The following TM4SF18 variants were observed in gnomAD, a reference collection of about 807,000 sequenced individuals.
TM4SF18 encodes transmembrane 4 L six family member 18, also known as transmembrane 4 L6 family member 18.
TM4SF18 carries 22 observed loss-of-function variants against 23.8 expected under a neutral mutation model. The observed-to-expected ratio is 0.92, with a 90% confidence interval of 0.66 to 1.32. The LOEUF (loss-of-function observed/expected upper bound fraction) is 1.32. Ranked by LOEUF, TM4SF18 falls within the 40% of genes most tolerant of loss-of-function variation. The probability of loss-of-function intolerance (pLI) is 0.00; values close to 1 mark genes in which losing one functional copy is unlikely to be tolerated. For synonymous variants in TM4SF18, 87 were observed against 87.9 expected, an observed-to-expected ratio of 0.99 and a Z score of 0.06; for missense variants, 255 against 240.3, an observed-to-expected ratio of 1.06 and a Z score of -0.41.
intron 3 of TM4SF18, among the ~76,000 whole-genome samples, chr3:149,328,665 A>C (rs952449464): frequency 6.6e-6 from 1 of 152,194 alleles, no homozygotes; most frequent in African/African-American, 2.4e-5. Flanking sequence ...GCCCTACTTG[A>C]TCATGGCAAC....
At chr3:149,331,030 T>C (rs913759530) in intron 2 of TM4SF18, among the ~76,000 whole-genome samples, 2 of 152,232 alleles carry the variant, frequency 1.3e-5, no homozygotes, top group Non-Finnish European at 2.9e-5. Context: ...AATTTTATTT[T>C]AGGCAAAAGG....
At chr3:149,329,353 C>T (rs749799806) in intron 3 of TM4SF18, among the ~76,000 whole-genome samples, 1 of 152,098 alleles carries the variant, frequency 6.6e-6, no homozygotes, top group Non-Finnish European at 1.5e-5. Flanking sequence ...CATATCCATG[C>T]CCAGGTTGTA....
In TM4SF18 at chr3:149,322,297, G is replaced by A; in HGVS notation, c.550C>T (p.Leu184=). 10 of 1,614,058 alleles carry A rather than the reference G, an allele frequency of 6.2e-6. No individual in the cohort carries two copies. The highest frequency in any genetic ancestry group is 8.5e-6 in the Non-Finnish European group (10 of 1,179,984). The change falls in exon 5 of 6, where the codon CTA becomes TTA. Residue 184 remains leucine (L), a synonymous_variant. Transcript: ENST00000296059. ...TAGCTTCCACACAGTATCTTGGATA[G>A]TTGCATGACTACTCTGATGAGGCAG... is the stretch of plus-strand genomic sequence containing the variant. ...IICLIRVVMQ[L]SKILCGSYSV...
chr3:149,325,155 G>T, intron 3 of TM4SF18, 133 bp from the exon 4 acceptor site: 1 of 710,818 alleles, frequency 1.4e-6, no homozygotes, highest in Non-Finnish European at 2.1e-6. Flanking sequence ...TGCCCACATA[G>T]AAATAAAAAA....
intron 2 of TM4SF18, among the ~76,000 whole-genome samples, chr3:149,332,754 A>G (rs917414418): frequency 1.3e-5 from 2 of 152,210 alleles, no homozygotes; most frequent in African/African-American, 4.8e-5. Flanking sequence ...CATGGAACAA[A>G]TGACAGAGCT....
At position 149,322,374 on chromosome 3, in the gene TM4SF18, T is replaced by G. The variant is rs759923156; in HGVS notation, c.473A>C (p.Asn158Thr). 1 of 1,614,054 alleles carries G rather than the reference T, an allele frequency of 6.2e-7. No individual in the cohort carries two copies. The highest frequency in any genetic ancestry group is 2.2e-5 in the East Asian group (1 of 44,862). ...CLEPAHVVEW[N>T]IILFSILITL... ...TATGAGAATGGAAAATAAAATGATG[T>G]TCCACTCCACAACATGTGCAGGTTC... Residue 158 changes from asparagine to threonine, a missense_variant, in exon 5 of 6, where the codon AAC becomes ACC. Asn to Thr is a moderately conservative substitution (Grantham distance 65). Transcript: ENST00000296059.
intron 4 of TM4SF18, among the ~76,000 whole-genome samples, chr3:149,323,452 A>G (rs1730861336): frequency 6.6e-6 from 1 of 152,180 alleles, no homozygotes; most frequent in Non-Finnish European, 1.5e-5. Flanking sequence ...ATCATCTAGC[A>G]ATTTAAAACA....
chr3:149,322,745 A>G (rs547625661), intron 4 of TM4SF18, among the ~76,000 whole-genome samples: 3 of 150,682 alleles, frequency 2.0e-5, no homozygotes, highest in African/African-American at 4.9e-5. Flanking sequence ...TTTATTTTCT[A>G]CTTTCTAATG....
rs1311427232 is a variant in TM4SF18, at chr3:149,319,070, T to C, written c.*2408A>G. 1 of 152,230 alleles carries C rather than the reference T, an allele frequency of 6.6e-6. No individual in the cohort carries two copies. Among genetic ancestry groups the C allele is most frequent in the Non-Finnish European group, 1.5e-5 (1 of 68,046 alleles). 9.4% of individuals were successfully genotyped at this position (152,230 alleles called of 1,614,324 possible). On this transcript the variant is annotated 3_prime_UTR_variant, in exon 6 of 6. Transcript: ENST00000296059. The stretch of plus-strand genomic sequence containing the variant: ...TTCCTGATAGAGGTATCATGCTGCA[T>C]TTGGCTGTACCCCTGATGTGTCCAA...
rs1576828760 is a variant in TM4SF18, at chr3:149,319,322, G to A, written c.*2156C>T. Reference sequence around the variant, plus strand: ...GGACTTGATAGAGAAATCCTGGGCTGTCAGAGGGGAGAGGTCACTCTGAGT... The same window carrying A: ...GGACTTGATAGAGAAATCCTGGGCTATCAGAGGGGAGAGGTCACTCTGAGT... On this transcript the variant is annotated 3_prime_UTR_variant, in exon 6 of 6. Coordinates refer to ENST00000296059, the MANE Select transcript of TM4SF18 (RefSeq NM_138786.4). 6.6e-6 allele frequency: 1 copy of A among 152,348 alleles called. No individual in the cohort carries two copies. The highest frequency in any genetic ancestry group is 2.1e-4 in the South Asian group (1 of 4,822). The allele number at this position is 152,348 out of a possible 1,614,324, so 9.4% of individuals were successfully genotyped here. A position where few individuals can be genotyped will look rare whatever the true frequency, so the allele number is the denominator to read the frequency against.
In TM4SF18 at chr3:149,322,331, T is replaced by A; in HGVS notation, c.516A>T (p.Gln172His). The stretch of plus-strand genomic sequence containing the variant: ...CTACTCTGATGAGGCAGATGATCAC[T>A]TGAAGCCCACTGAGGGTTATGAGAA... ...FSILITLSGL[Q>H]VIICLIRVVM... The change falls in exon 5 of 6, where the codon CAA becomes CAT. Residue 172 changes from glutamine to histidine, a missense_variant. Coordinates refer to ENST00000296059, the MANE Select transcript of TM4SF18 (RefSeq NM_138786.4). 1 of 1,614,074 alleles carries A rather than the reference T, an allele frequency of 6.2e-7. No individual in the cohort carries two copies. The highest frequency in any genetic ancestry group is 8.5e-7 in the Non-Finnish European group (1 of 1,180,006).
chr3:149,319,822 CT>C lies in TM4SF18; in HGVS notation c.*1655del, dbSNP rs772760063. 2 of 152,232 alleles carry C rather than the reference CT, an allele frequency of 1.3e-5. No individual in the cohort carries two copies. Among genetic ancestry groups the C allele is most frequent in the Admixed American group, 1.3e-4 (2 of 15,280 alleles). The allele number at this position is 152,232 out of a possible 1,614,324, so 9.4% of individuals were successfully genotyped here. ...AATGGTCCGGTTGCTTCATTCTTGGCTTCCTAGTTCAAATTCTTATGCTTGA... is the reference window on the plus strand; with the variant it reads ...AATGGTCCGGTTGCTTCATTCTTGGCTCCTAGTTCAAATTCTTATGCTTGA... On this transcript the variant is annotated 3_prime_UTR_variant, in exon 6 of 6. Transcript: ENST00000296059.
intron 2 of TM4SF18, among the ~76,000 whole-genome samples, chr3:149,331,683 T>G (rs1731090433): frequency 1.3e-5 from 2 of 152,176 alleles, no homozygotes; most frequent in African/African-American, 4.8e-5. Context: ...ATAACTGCAA[T>G]ACAGAGGAGT....
Position 149,320,630 on chromosome 3 carries a change from A to G in TM4SF18, c.*848T>C, listed in dbSNP as rs913912606. On this transcript the variant is annotated 3_prime_UTR_variant, in exon 6 of 6. Coordinates refer to ENST00000296059, the MANE Select transcript of TM4SF18 (RefSeq NM_138786.4). ...CTCTTTTTGGCTCATCTATATCACT[A>G]CTTTCCTCATTGAATGTTGATGGAA... The G allele has an allele frequency of 1.3e-5, 2 of 152,156 alleles. No individual in the cohort carries two copies. Among genetic ancestry groups the G allele is most frequent in the Non-Finnish European group, 2.9e-5 (2 of 68,028 alleles). The allele number at this position is 152,156 out of a possible 1,614,324, so 9.4% of individuals were successfully genotyped here. A position where few individuals can be genotyped will look rare whatever the true frequency, so the allele number is the denominator to read the frequency against.
rs1730789736 is a variant in TM4SF18, at chr3:149,320,956, G to A, written c.*522C>T. 6.6e-6 allele frequency: 1 copy of A among 151,974 alleles called. No homozygotes were observed. The highest frequency in any genetic ancestry group is 1.5e-5 in the Non-Finnish European group (1 of 67,982). The allele number at this position is 151,974 out of a possible 1,614,324, so 9.4% of individuals were successfully genotyped here. On this transcript the variant is annotated 3_prime_UTR_variant, in exon 6 of 6. Transcript: ENST00000296059. ...ATAGTTATATAGTAAACATGAATTT[G>A]TAACCTGCTTTTTGATGTAGCATTA...
At chr3:149,327,603 AG>A (rs1252785544) in intron 3 of TM4SF18, among the ~76,000 whole-genome samples, 1 of 152,224 alleles carries the variant, frequency 6.6e-6, no homozygotes, top group Non-Finnish European at 1.5e-5. Context: ...GCAGCAGAAT[AG>A]TAACATGCAG....
chr3:149,321,830 G>C (rs548962664), intron 5 of TM4SF18, among the ~76,000 whole-genome samples: 1 of 152,132 alleles, frequency 6.6e-6, no homozygotes, highest in African/African-American at 2.4e-5. Flanking sequence ...CTATGCACTC[G>C]AGATAAAGGT....
chr3:149,331,401 G>C (rs1386938635), intron 2 of TM4SF18, among the ~76,000 whole-genome samples: 3 of 152,066 alleles, frequency 2.0e-5, no homozygotes, highest in Non-Finnish European at 4.4e-5. Context: ...TTTTTACATG[G>C]AATATAAGCA....
At chr3:149,330,593 G>T (rs538945797) in intron 2 of TM4SF18, among the ~76,000 whole-genome samples, 174 bp from the exon 3 acceptor site, 25 of 152,266 alleles carry the variant, frequency 1.6e-4, no homozygotes, top group Non-Finnish European at 2.9e-4. Flanking sequence ...GTATAAAATG[G>T]TATCAAGAGA....
Sources: allele counts gnomAD v4.1 joint callset (sites outside exome capture counted in the v4.1 genomes callset), GRCh38; gene constraint gnomAD v4.1.1; transcripts MANE v1.5; gene names NCBI Gene and HGNC (gene_info 2026-07-23, HGNC 2026-07-21).